Variants in KIF6 observed in about 807,000 individuals in gnomAD.
The protein encoded by KIF6 is kinesin-like protein KIF6.
A neutral mutation model predicts 112.7 loss-of-function variants in KIF6; 106 were observed. That is an observed-to-expected ratio of 0.94 (90% confidence interval 0.80 to 1.11). The LOEUF (loss-of-function observed/expected upper bound fraction) is 1.11, where lower values mean the gene tolerates loss of function less well. Ranked by LOEUF, KIF6 falls within the 50% of genes least tolerant of loss-of-function variation. KIF6 has a pLI of 0.00. For synonymous variants in KIF6, 339 were observed against 339.9 expected (o/e 1.00, Z 0.03); for missense variants, 929 against 964.0 (o/e 0.96, Z 0.48).
chr6:39,414,990 C>T (rs1043483186), intron 15 of KIF6, among the ~76,000 whole-genome samples: 1 of 151,704 alleles, frequency 6.6e-6, no homozygotes, highest in African/African-American at 2.4e-5. Context: ...AGTTCAAGAT[C>T]AGCCTGGCCA....
intron 2 of KIF6, among the ~76,000 whole-genome samples, chr6:39,715,402 G>A (rs991862682): frequency 6.6e-6 from 1 of 152,090 alleles, no homozygotes; most frequent in African/African-American, 2.4e-5. Flanking sequence ...GAAGAGAGTG[G>A]AGGTGTGGTG....
At chr6:39,399,054 C>T (rs1369968620) in intron 15 of KIF6, among the ~76,000 whole-genome samples, 3 of 152,194 alleles carry the variant, frequency 2.0e-5, no homozygotes, top group Non-Finnish European at 2.9e-5. Context: ...TTGGACTTGA[C>T]CTGCAACATC....
At chr6:39,373,154 T>C (rs1209347581) in intron 16 of KIF6, among the ~76,000 whole-genome samples, 1 of 152,232 alleles carries the variant, frequency 6.6e-6, no homozygotes, top group Non-Finnish European at 1.5e-5. Flanking sequence ...TTTGGTCAAA[T>C]GCCTAATTTG....
rs1056691521 is a variant in KIF6, at chr6:39,551,167, A to G, written c.1182-5479T>C. On this transcript the variant is annotated intron_variant, in intron 10 of 22. Coordinates refer to ENST00000287152, the MANE Select transcript of KIF6 (RefSeq NM_145027.6). ...AGTTTTAGTTTTTGGAGGAAACTCC[A>G]TACTGAAATCCTGTCATTTGCAACA... Among the ~76,000 whole-genome samples the G allele has an allele frequency of 2.6e-5, 4 of 152,226 alleles. No homozygotes were observed. The East Asian group carries it at 5.8e-4, about 22-fold the overall frequency.
At chr6:39,622,566 A>G (rs1183980004) in intron 5 of KIF6, among the ~76,000 whole-genome samples, 1 of 152,188 alleles carries the variant, frequency 6.6e-6, no homozygotes, top group African/African-American at 2.4e-5. Context: ...TGTGTGGCTC[A>G]TGATGCAGTT....
At chr6:39,454,627 G>C (rs1320098232) in intron 13 of KIF6, among the ~76,000 whole-genome samples, 1 of 152,142 alleles carries the variant, frequency 6.6e-6, no homozygotes, top group Non-Finnish European at 1.5e-5. Context: ...TCTCACTAGG[G>C]AGTGCCAGAC....
intron 15 of KIF6, among the ~76,000 whole-genome samples, chr6:39,386,665 T>C (rs1767447305): frequency 6.6e-6 from 1 of 152,036 alleles, no homozygotes; most frequent in African/African-American, 2.4e-5. Flanking sequence ...GTTGGGTTGT[T>C]AGAGTGAGAA....
At chr6:39,358,349 C>T (rs1215413910) in intron 18 of KIF6, among the ~76,000 whole-genome samples, 4 of 152,234 alleles carry the variant, frequency 2.6e-5, no homozygotes, top group Non-Finnish European at 4.4e-5. Context: ...CAGCTGCAGG[C>T]TATAGAACTG....
intron 10 of KIF6, among the ~76,000 whole-genome samples, chr6:39,557,115 C>T (rs553276174): frequency 1.6e-4 from 25 of 151,760 alleles, no homozygotes; most frequent in African/African-American, 5.8e-4. Flanking sequence ...ATAAAATTAA[C>T]GGAAAACTTG....
intron 14 of KIF6, among the ~76,000 whole-genome samples, chr6:39,422,209 CAGA>C (rs550312796): frequency 6.6e-6 from 1 of 152,192 alleles, no homozygotes; most frequent in East Asian, 1.9e-4. Context: ...ACAACATAAG[CAGA>C]AGAAGGACTT....
chr6:39,652,620 G>A (rs1053650738), intron 3 of KIF6, among the ~76,000 whole-genome samples: 7 of 151,386 alleles, frequency 4.6e-5, no homozygotes, highest in African/African-American at 1.7e-4. Context: ...AAATTTTTCT[G>A]TAGCACTTCA....
chr6:39,580,832 G>T (rs544064182), intron 9 of KIF6, among the ~76,000 whole-genome samples: 1 of 152,186 alleles, frequency 6.6e-6, no homozygotes, highest in Non-Finnish European at 1.5e-5. Flanking sequence ...CCTCACCCCT[G>T]CATAGTCTTC....
intron 3 of KIF6, among the ~76,000 whole-genome samples, chr6:39,676,425 C>G (rs953828188): frequency 1.3e-5 from 2 of 152,072 alleles, no homozygotes; most frequent in Admixed American, 1.3e-4. Context: ...CATTAATAGA[C>G]CCTCTCTGAA....
intron 3 of KIF6, among the ~76,000 whole-genome samples, chr6:39,656,701 A>T (rs759827744): frequency 5.3e-5 from 8 of 152,134 alleles, no homozygotes; most frequent in Non-Finnish European, 1.2e-4. Flanking sequence ...CACAAACCTC[A>T]GCCTCCATTC....
intron 3 of KIF6, among the ~76,000 whole-genome samples, chr6:39,673,200 G>A (rs1399696561): frequency 6.6e-6 from 1 of 152,202 alleles, no homozygotes; most frequent in Non-Finnish European, 1.5e-5. Flanking sequence ...GATTAAGCAA[G>A]CTTAGGTTAC....
chr6:39,654,809 C>T (rs1301331326), intron 3 of KIF6, among the ~76,000 whole-genome samples: 1 of 152,158 alleles, frequency 6.6e-6, no homozygotes, highest in African/African-American at 2.4e-5. Flanking sequence ...TTTGTTCACT[C>T]AACAATGTCT....
At chr6:39,707,935 C>T (rs140604840) in intron 3 of KIF6, among the ~76,000 whole-genome samples, 1 of 152,312 alleles carries the variant, frequency 6.6e-6, no homozygotes, top group African/African-American at 2.4e-5. Context: ...GATTATTTGA[C>T]TTGATGCCAA....
In KIF6 at chr6:39,342,884, C is replaced by A; in HGVS notation, c.2428+825G>T. ...GGCTGGTGGAGAAGCTGAGTGCAGGCGCCACAGGGCAGGCATCAGTCATTA... is the reference window on the plus strand; with the variant it reads ...GGCTGGTGGAGAAGCTGAGTGCAGGAGCCACAGGGCAGGCATCAGTCATTA... On this transcript the variant is annotated intron_variant, in intron 22 of 22. Coordinates refer to ENST00000287152, the MANE Select transcript of KIF6 (RefSeq NM_145027.6). The surrounding 1 kb of genome is among the most constrained non-coding windows in gnomAD (Gnocchi z 4.7). The A allele has an allele frequency of 1.0e-6, 1 of 985,368 alleles. No individual in the cohort carries two copies. Among genetic ancestry groups the A allele is most frequent in the South Asian group, 4.7e-5 (1 of 21,280 alleles). The allele number at this position is 985,368 out of a possible 1,614,324, so 61.0% of individuals were successfully genotyped here.
chr6:39,404,390 A>T (rs1341939452), intron 15 of KIF6, among the ~76,000 whole-genome samples: 1 of 149,444 alleles, frequency 6.7e-6, no homozygotes, highest in East Asian at 2.0e-4. Context: ...CCTTCAGTAC[A>T]TGGATATCCA....
Sources: gnomAD v4.1 joint callset for allele counts (sites outside exome capture counted in the v4.1 genomes callset) on GRCh38, gnomAD v4.1.1 for gene constraint, Gnocchi (gnomAD v3.1) non-coding constraint, MANE v1.5 for transcripts, NCBI Gene and HGNC (gene_info 2026-07-23, HGNC 2026-07-21) for gene names.